ARHGEF1: variants seen among roughly 807,000 people sequenced by gnomAD.
ARHGEF1 encodes Rho guanine nucleotide exchange factor 1.
In ARHGEF1, 40 loss-of-function variants were observed where a neutral mutation model predicts 119.7. That is an observed-to-expected ratio of 0.33 (90% CI 0.26 to 0.44). The LOEUF is 0.44. Among genes scored for constraint, ARHGEF1 ranks in the 20% least tolerant of loss-of-function variants. The pLI is 1.00. For synonymous variants in ARHGEF1, 494 were observed against 521.0 expected (o/e 0.95, Z 0.71); for missense variants, 976 against 1,268.3 (o/e 0.77, Z 3.50).
chr19:41,911,228 G>A (rs547074698), downstream of ARHGEF1, among the ~76,000 whole-genome samples: 204 of 152,210 alleles, frequency 1.3e-3, no homozygotes, highest in Middle Eastern at 0.017. Context: ...TGGGCACCCC[G>A]AAATCTCATC....
At chr19:41,911,497 G>A (rs1417069875), downstream of ARHGEF1, among the ~76,000 whole-genome samples, 10 of 152,238 alleles carry the variant, frequency 6.6e-5, no homozygotes, top group Admixed American at 6.5e-4. Context: ...AACTGCACAG[G>A]TGGAAGGCAA....
downstream of ARHGEF1, among the ~76,000 whole-genome samples, chr19:41,911,111 CCTG>C (rs2074749092): frequency 6.6e-6 from 1 of 152,168 alleles, no homozygotes; most frequent in Non-Finnish European, 1.5e-5. Context: ...ACTTCCCAAA[CCTG>C]CACACAGAGG....
rs1555849353 is a variant in ARHGEF1, at chr19:41,902,933, C to T, written c.1738+35C>T. ...GCCTGGATCTCTGGGCCTCGGCTCT[C>T]CTCTTTTTTTTTTACATTTTTTTTC... is the stretch of plus-strand genomic sequence containing the variant. On this transcript the variant is annotated intron_variant, in intron 18 of 28. Coordinates refer to ENST00000354532, the MANE Select transcript of ARHGEF1 (RefSeq NM_004706.4). This position sits in a 1 kb window ranked among gnomAD's most constrained non-coding sequence, Gnocchi z 6.5. 2 of 1,511,438 alleles carry T rather than the reference C, an allele frequency of 1.3e-6. No homozygotes were observed. Among genetic ancestry groups the T allele is most frequent in the South Asian group, 2.4e-5 (2 of 82,038 alleles). The allele number at this position is 1,511,438 out of a possible 1,614,324, so 93.6% of individuals were successfully genotyped here.
chr19:41,888,968 C>A lies in ARHGEF1; in HGVS notation c.225+103C>A. 1 of 960,688 alleles carries A rather than the reference C, an allele frequency of 1.0e-6. No individual in the cohort carries two copies. The highest frequency in any genetic ancestry group is 1.5e-6 in the Non-Finnish European group (1 of 646,246). The allele number at this position is 960,688 out of a possible 1,614,324, so 59.5% of individuals were successfully genotyped here. ...CTAGTGCCTGGAGGGTCTGGAAAAG[C>A]AGATCTAGAACACAGAGAGCCAGAT... On this transcript the variant is annotated intron_variant, in intron 4 of 28. Transcript: ENST00000354532. The surrounding 1 kb of genome is among the most constrained non-coding windows in gnomAD (Gnocchi z 5.1).
At chr19:41,891,794 C>T (rs2074381102) in intron 4 of ARHGEF1, among the ~76,000 whole-genome samples, 2 of 152,142 alleles carry the variant, frequency 1.3e-5, no homozygotes, top group African/African-American at 4.8e-5. Context: ...CACAAAGGAC[C>T]ATAGCACAGG....
chr19:41,909,953 A>G, downstream of ARHGEF1: 2 of 1,613,834 alleles, frequency 1.2e-6, no homozygotes, highest in South Asian at 2.2e-5. The surrounding 1 kb of genome is among the most constrained non-coding windows in gnomAD (Gnocchi z 5.2). Flanking sequence ...GTCTTTGATG[A>G]CGAATTCCCC....
At position 41,907,339 on chromosome 19, in the gene ARHGEF1, C is replaced by T. The variant is rs1555850563; in HGVS notation, c.*252C>T. On this transcript the variant is annotated 3_prime_UTR_variant, in exon 29 of 29. Transcript: ENST00000354532. ...TGGAGGGCACCACGGTGACCCGGGCCATCTCAGTATTGCCTGTGGGGGCCA... is the reference window on the plus strand; with the variant it reads ...TGGAGGGCACCACGGTGACCCGGGCTATCTCAGTATTGCCTGTGGGGGCCA... 3 of 1,535,026 alleles carry T rather than the reference C, an allele frequency of 2.0e-6. No homozygotes were observed. The highest frequency in any genetic ancestry group is 1.7e-6 in the Non-Finnish European group (2 of 1,146,518).
In ARHGEF1 at chr19:41,888,377, C is replaced by G. The variant is rs558622463; in HGVS notation, c.111+99C>G. ...ATGCTGTCTTCTTGGCCTTTTCCCACGGTCTGTCTCATCCTCTCATCTCCC... is the reference window on the plus strand; with the variant it reads ...ATGCTGTCTTCTTGGCCTTTTCCCAGGGTCTGTCTCATCCTCTCATCTCCC... On this transcript the variant is annotated intron_variant, in intron 3 of 28. Coordinates refer to ENST00000354532, the MANE Select transcript of ARHGEF1 (RefSeq NM_004706.4). The surrounding 1 kb of genome is among the most constrained non-coding windows in gnomAD (Gnocchi z 5.1). 15 of 1,222,896 alleles carry G rather than the reference C, an allele frequency of 1.2e-5. No homozygotes were observed. Among genetic ancestry groups the G allele is most frequent in the Admixed American group, 3.8e-5 (2 of 53,026 alleles). The allele number at this position is 1,222,896 out of a possible 1,614,324, so 75.8% of individuals were successfully genotyped here.
At chr19:41,893,756 G>T (rs62639387) in intron 8 of ARHGEF1, among the ~76,000 whole-genome samples, 15 of 25,136 alleles carry the variant, frequency 6.0e-4, no homozygotes, top group African/African-American at 4.9e-4. Context: ...GGGCCTGGAC[G>T]CCTGGGTCTG....
chr19:41,893,271 C>T lies in ARHGEF1; in HGVS notation c.615-3C>T. 16 of 1,611,948 alleles carry T rather than the reference C, an allele frequency of 9.9e-6. No homozygotes were observed. Among genetic ancestry groups the T allele is most frequent in the Non-Finnish European group, 1.3e-5 (15 of 1,179,268 alleles). On this transcript the variant is annotated splice_polypyrimidine_tract_variant and splice_region_variant and intron_variant, in intron 7 of 28. Transcript: ENST00000354532. The stretch of plus-strand genomic sequence containing the variant: ...GTCACAAACATCTCTCTTCCTCCTA[C>T]AGACATACCATCTCTACCGACGAAG...
intron 1 of ARHGEF1, among the ~76,000 whole-genome samples, chr19:41,924,307 G>A (rs565383308): frequency 1.3e-5 from 2 of 152,156 alleles, no homozygotes; most frequent in South Asian, 4.1e-4. Context: ...GCCTTGACTT[G>A]ACTCAAATCT....
intron 14 of ARHGEF1, among the ~76,000 whole-genome samples, chr19:41,899,505 C>CTT (rs575816890): frequency 3.0e-4 from 31 of 101,732 alleles, no homozygotes; most frequent in South Asian, 6.2e-4. Context: ...AAAGAGAAAG[C>CTT]TTTTTTTTTT....
At chr19:41,912,120 G>A (rs76175405), downstream of ARHGEF1, among the ~76,000 whole-genome samples, 4,085 of 152,160 alleles carry the variant, frequency 0.027, 187 homozygotes, top group African/African-American at 0.093. Context: ...CCCAAAATGC[G>A]GACACGCCCA....
chr19:41,908,077 C>CCT (rs142789626), downstream of ARHGEF1: 5,461 of 519,710 alleles, frequency 0.011, 244 homozygotes, highest in African/African-American at 0.096. The surrounding 1 kb of genome is among the most constrained non-coding windows in gnomAD (Gnocchi z 6.7). Flanking sequence ...AGACCCCCCC[C>CCT]ACTCTGGGGC....
chr19:41,893,290 G>A lies in ARHGEF1; in HGVS notation c.631G>A (p.Asp211Asn), dbSNP rs781883939. ...CTCCTACAGACATACCATCTCTACC[G>A]ACGAAGAAAAGAGGTGAGGGGGGCA... ...LEEMQHTIST[D>N]EEKSAAVVNA... The change falls in exon 8 of 29, where the codon GAC becomes AAC. Residue 211 changes from aspartate (D) to asparagine (N), a missense_variant. Around this residue, in one of 3 missense-constraint regions of ARHGEF1, gnomAD observed 519 missense variants for 580.9 expected, o/e 0.89. Coordinates refer to ENST00000354532, the MANE Select transcript of ARHGEF1 (RefSeq NM_004706.4). 2.7e-5 allele frequency: 43 copies of A among 1,610,320 alleles called. No homozygotes were observed. Among genetic ancestry groups the A allele is most frequent in the South Asian group, 2.7e-4 (24 of 90,556 alleles).
chr19:41,908,809 C>T (rs782237271), downstream of ARHGEF1: 1 of 485,268 alleles, frequency 2.1e-6, no homozygotes, highest in East Asian at 3.5e-5. This position sits in a 1 kb window ranked among gnomAD's most constrained non-coding sequence, Gnocchi z 6.7. Context: ...CCTCATACAG[C>T]TTCCCCCAAC....
intron 12 of ARHGEF1, among the ~76,000 whole-genome samples, 190 bp from the exon 13 acceptor site, chr19:41,896,187 A>G (rs2074482160): frequency 6.6e-6 from 1 of 152,090 alleles, no homozygotes; most frequent in Non-Finnish European, 1.5e-5. Context: ...TTGCATCTTC[A>G]TGCTCCTGCC....
Position 41,896,500 on chromosome 19 carries a change from C to A in ARHGEF1, c.1121+18C>A. The A allele has an allele frequency of 6.7e-7, 1 of 1,493,990 alleles. No homozygotes were observed. The highest frequency in any genetic ancestry group is 1.4e-5 in the African/African-American group (1 of 70,942). The allele number at this position is 1,493,990 out of a possible 1,614,324, so 92.5% of individuals were successfully genotyped here. A position where few individuals can be genotyped will look rare whatever the true frequency, so the allele number is the denominator to read the frequency against. Reference sequence around the variant, plus strand: ...ACCGAGAGGTGCCCAGGCTGGGGTGCAGGGGCGGGAGGTGTGGCTTACTGG... The same window carrying A: ...ACCGAGAGGTGCCCAGGCTGGGGTGAAGGGGCGGGAGGTGTGGCTTACTGG... On this transcript the variant is annotated intron_variant, in intron 13 of 28. Coordinates refer to ENST00000354532, the MANE Select transcript of ARHGEF1 (RefSeq NM_004706.4).
downstream of ARHGEF1, chr19:41,909,233 G>A (rs2074738799): frequency 1.6e-6 from 2 of 1,230,966 alleles, no homozygotes; most frequent in Admixed American, 4.2e-5. This position sits in a 1 kb window ranked among gnomAD's most constrained non-coding sequence, Gnocchi z 5.2. Context: ...CCCAGAGTGG[G>A]CACCAAGTGC....
Sources: gnomAD v4.1 joint callset for allele counts (sites outside exome capture counted in the v4.1 genomes callset) on GRCh38, gnomAD v4.1.1 for gene constraint, gnomAD v4.1.1 regional missense constraint, Gnocchi (gnomAD v3.1) non-coding constraint, MANE v1.5 for transcripts, NCBI Gene and HGNC (gene_info 2026-07-23, HGNC 2026-07-21) for gene names.